Variants in NHEJ1 observed in about 807,000 individuals in gnomAD.
The protein encoded by NHEJ1 is non-homologous end joining factor 1, also known as non-homologous end-joining factor 1.
Under a neutral mutation model 39.4 loss-of-function variants are expected in NHEJ1, and 22 were observed. The observed-to-expected ratio is 0.56, with a 90% CI of 0.40 to 0.80. The LOEUF (loss-of-function observed/expected upper bound fraction) is 0.80, where lower values mean the gene tolerates loss of function less well. NHEJ1 is among the 30% of genes least tolerant of loss of function. NHEJ1 has a pLI of 0.00. For synonymous variants in NHEJ1, 154 were observed against 135.6 expected (o/e 1.14, Z -0.94); for missense variants, 329 against 357.1 (o/e 0.92, Z 0.63).
At chr2:219,115,895 G>C (rs1949410780) in intron 5 of NHEJ1, among the ~76,000 whole-genome samples, 1 of 152,160 alleles carries the variant, frequency 6.6e-6, no homozygotes, top group South Asian at 2.1e-4. Context: ...GCCGAGGCGG[G>C]CAGATCACGA....
chr2:219,158,373 GTCC>G lies in NHEJ1; in HGVS notation c.1-14_1-12del. ...CTCCAGTTCTTCCATCTGCAAAAAA[GTCC>G]TCATTTAGTAAAGAGCCTCAGGGTC... On this transcript the variant is annotated splice_polypyrimidine_tract_variant and intron_variant, in intron 1 of 7. Coordinates refer to ENST00000356853, the MANE Select transcript of NHEJ1 (RefSeq NM_024782.3). The G allele has an allele frequency of 1.2e-6, 2 of 1,613,808 alleles. No individual in the cohort carries two copies. The highest frequency in any genetic ancestry group is 4.5e-5 in the East Asian group (2 of 44,890).
chr2:219,113,320 T>C (rs1365892228), intron 5 of NHEJ1, among the ~76,000 whole-genome samples: 1 of 152,108 alleles, frequency 6.6e-6, no homozygotes, highest in Non-Finnish European at 1.5e-5. Flanking sequence ...GTGCACCAAA[T>C]ACGTGCTGAA....
rs1949362082 is a variant in NHEJ1 at position 219,111,164 on chromosome 2, T to G, written c.589-32958A>C. 6.6e-6 allele frequency among the ~76,000 whole-genome samples: 1 copy of G among 152,166 alleles called. No homozygotes were observed. Among genetic ancestry groups the G allele is most frequent in the Non-Finnish European group, 1.5e-5 (1 of 68,036 alleles). On this transcript the variant is annotated intron_variant, in intron 5 of 7. Transcript: ENST00000356853. This position sits in a 1 kb window ranked among gnomAD's most constrained non-coding sequence, Gnocchi z 4.1. The stretch of plus-strand genomic sequence containing the variant: ...ATCATTTTAAAGATGATTTTAGAAC[T>G]GGAATAGAATTTACTCGTGATACCC...
At chr2:219,114,009 G>T (rs577709765) in intron 5 of NHEJ1, among the ~76,000 whole-genome samples, 1 of 152,276 alleles carries the variant, frequency 6.6e-6, no homozygotes, top group East Asian at 1.9e-4. Context: ...AAGTTTCTAG[G>T]CTAGGAAAGT....
chr2:219,095,026 A>G (rs1163317560), intron 5 of NHEJ1, among the ~76,000 whole-genome samples: 2 of 152,070 alleles, frequency 1.3e-5, no homozygotes, highest in Admixed American at 6.5e-5. Context: ...ACAACACCCC[A>G]CTCCATCCCA....
At chr2:219,156,227 C>T (rs1003669088) in intron 3 of NHEJ1, among the ~76,000 whole-genome samples, 4 of 151,874 alleles carry the variant, frequency 2.6e-5, no homozygotes, top group African/African-American at 7.3e-5. Flanking sequence ...CAAACCTGGG[C>T]GACAGAGTGA....
chr2:219,142,923 G>C (rs1328262321), intron 5 of NHEJ1, among the ~76,000 whole-genome samples: 1 of 152,206 alleles, frequency 6.6e-6, no homozygotes, highest in Non-Finnish European at 1.5e-5. Context: ...GAAATCAGAG[G>C]CTCTTAGACA....
chr2:219,087,030 C>T (rs1396752467), intron 5 of NHEJ1, among the ~76,000 whole-genome samples: 1 of 152,054 alleles, frequency 6.6e-6, no homozygotes, highest in African/African-American at 2.4e-5. Flanking sequence ...GGGGACGGAT[C>T]CTCAGAGCCC....
intron 5 of NHEJ1, among the ~76,000 whole-genome samples, chr2:219,137,584 A>AAC (rs1482245972): frequency 7.1e-6 from 1 of 140,080 alleles, no homozygotes; most frequent in Non-Finnish European, 1.6e-5. Flanking sequence ...AAAAAAAAAA[A>AAC]AAAAAAAACA....
intron 5 of NHEJ1, chr2:219,095,325 G>A (rs1949197863): frequency 2.1e-6 from 1 of 470,780 alleles, no homozygotes; most frequent in Non-Finnish European, 4.4e-6. Context: ...CAATATGCCG[G>A]GTCTCCAGTT....
chr2:219,097,970 T>C (rs73991038), intron 5 of NHEJ1, among the ~76,000 whole-genome samples: 3,739 of 152,180 alleles, frequency 0.025, 157 homozygotes, highest in African/African-American at 0.085. Context: ...AAGTAACTGA[T>C]GAAGCAGAAA....
At chr2:219,122,738 G>C (rs1161827205) in intron 5 of NHEJ1, among the ~76,000 whole-genome samples, 1 of 152,170 alleles carries the variant, frequency 6.6e-6, no homozygotes, top group African/African-American at 2.4e-5. Context: ...CAAACTAAGG[G>C]CCTGAAGGAA....
At position 219,100,749 on chromosome 2, in the gene NHEJ1, G is replaced by A. The variant is rs1949249645; in HGVS notation, c.589-22543C>T. ...ATCCCACCAAGCCAGACAGGGTTGA[G>A]GAAAGTAATCTGGACCCACGAAGCT... On this transcript the variant is annotated intron_variant, in intron 5 of 7. Transcript: ENST00000356853. 2.0e-5 allele frequency among the ~76,000 whole-genome samples: 3 copies of A among 152,310 alleles called. No homozygotes were observed. In the South Asian group the frequency reaches 6.2e-4, roughly 32 times the overall value.
chr2:219,128,956 T>C (rs1034010449), intron 5 of NHEJ1, among the ~76,000 whole-genome samples: 6 of 152,220 alleles, frequency 3.9e-5, no homozygotes, highest in African/African-American at 1.4e-4. Context: ...CCATATGGTT[T>C]GGTCTAAAAG....
intron 1 of NHEJ1, chr2:219,159,264 A>C (rs955401874): frequency 6.6e-6 from 1 of 152,094 alleles, no homozygotes; most frequent in African/African-American, 2.4e-5. Flanking sequence ...TCAGCAGCTA[A>C]AGTAGTAGGC....
intron 5 of NHEJ1, among the ~76,000 whole-genome samples, chr2:219,099,365 A>G (rs534004159): frequency 6.6e-6 from 1 of 152,084 alleles, no homozygotes; most frequent in African/African-American, 2.4e-5. Context: ...ATGTCTCTGG[A>G]CCTTGCCAAA....
intron 5 of NHEJ1, among the ~76,000 whole-genome samples, chr2:219,112,657 G>A (rs1949376299): frequency 6.6e-6 from 1 of 152,112 alleles, no homozygotes; most frequent in Non-Finnish European, 1.5e-5. Context: ...CAGATATGAA[G>A]GAGGAGAAAG....
At chr2:219,109,659 G>A (rs1212757283) in intron 5 of NHEJ1, among the ~76,000 whole-genome samples, 1 of 152,146 alleles carries the variant, frequency 6.6e-6, no homozygotes, top group Non-Finnish European at 1.5e-5. Flanking sequence ...AGAGAATAAA[G>A]GAAAGGGGAG....
In NHEJ1 at chr2:219,073,948, G is replaced by A. The variant is rs1364598979; in HGVS notation, c.*2433C>T. On this transcript the variant is annotated 3_prime_UTR_variant, in exon 8 of 8. Coordinates refer to ENST00000356853, the MANE Select transcript of NHEJ1 (RefSeq NM_024782.3). ...GGGCCCAAGCCAGGGGGCAGGGCTG[G>A]AATACAGCCTGGCTAGGCCAATTTG... Among the ~76,000 whole-genome samples the A allele has an allele frequency of 6.6e-6, 1 of 152,256 alleles. No homozygotes were observed. The highest frequency in any genetic ancestry group is 1.5e-5 in the Non-Finnish European group (1 of 68,042).
Sources: gnomAD v4.1 joint callset for allele counts (sites outside exome capture counted in the v4.1 genomes callset) on GRCh38, gnomAD v4.1.1 for gene constraint, Gnocchi (gnomAD v3.1) non-coding constraint, MANE v1.5 for transcripts, NCBI Gene and HGNC (gene_info 2026-07-23, HGNC 2026-07-21) for gene names.